Variants in CNTN6 observed in about 807,000 individuals in gnomAD.
CNTN6 encodes contactin 6, also known as contactin-6.
A neutral mutation model predicts 122.8 loss-of-function variants in CNTN6; 137 were observed. The observed-to-expected ratio is 1.12, with a 90% CI of 0.97 to 1.29. CNTN6 has a LOEUF of 1.29. Among genes scored for constraint, CNTN6 ranks in the 50% most tolerant of loss-of-function variants. The pLI, the probability that CNTN6 is intolerant of heterozygous loss-of-function variation, is 0.00. For missense variants in CNTN6, 1,634 were observed against 1,223.4 expected (o/e 1.34, Z -5.01); for synonymous variants, 570 against 426.0 (o/e 1.34, Z -4.16).
At chr3:1,234,636 G>C (rs544674538) in intron 4 of CNTN6, among the ~76,000 whole-genome samples, 1 of 152,116 alleles carries the variant, frequency 6.6e-6, no homozygotes, top group Non-Finnish European at 1.5e-5. Context: ...TATTAAGTGG[G>C]TAATGCATAC....
chr3:1,223,175 C>T (rs766018127), intron 3 of CNTN6, among the ~76,000 whole-genome samples: 37 of 152,210 alleles, frequency 2.4e-4, no homozygotes, highest in South Asian at 4.1e-4. Context: ...CAGATTCTAA[C>T]GTTATTTGAG....
chr3:1,368,679 TAATC>T (rs1336379946), intron 12 of CNTN6, among the ~76,000 whole-genome samples: 1 of 152,140 alleles, frequency 6.6e-6, no homozygotes, highest in East Asian at 1.9e-4. Flanking sequence ...GAAAATTATA[TAATC>T]AATCAAGATA....
chr3:1,290,546 C>T (rs1695154649), intron 5 of CNTN6, among the ~76,000 whole-genome samples: 2 of 152,232 alleles, frequency 1.3e-5, no homozygotes, highest in East Asian at 1.9e-4. Flanking sequence ...ATCCGGACTC[C>T]ATGAGAGGGT....
intron 10 of CNTN6, among the ~76,000 whole-genome samples, chr3:1,328,621 T>C (rs577191217): frequency 6.6e-6 from 1 of 151,978 alleles, no homozygotes; most frequent in East Asian, 1.9e-4. Context: ...GAGGAGTTGC[T>C]ATCGTTGCAC....
chr3:1,226,288 TA>T (rs2094282591), intron 3 of CNTN6, among the ~76,000 whole-genome samples: 1 of 151,922 alleles, frequency 6.6e-6, no homozygotes, highest in Non-Finnish European at 1.5e-5. Context: ...AAAGCTGGCA[TA>T]AACCCTAAAA....
chr3:1,278,041 C>G (rs1335654200), intron 4 of CNTN6, among the ~76,000 whole-genome samples: 1 of 152,172 alleles, frequency 6.6e-6, no homozygotes, highest in Non-Finnish European at 1.5e-5. Flanking sequence ...AACCATTAAT[C>G]TAAGATGTTG....
At chr3:1,380,239 A>C (rs1247774383) in intron 17 of CNTN6, among the ~76,000 whole-genome samples, 1 of 152,186 alleles carries the variant, frequency 6.6e-6, no homozygotes, top group Non-Finnish European at 1.5e-5. Flanking sequence ...ATAAGTGACA[A>C]CTTTAATGAT....
intron 2 of CNTN6, among the ~76,000 whole-genome samples, chr3:1,201,005 C>A (rs183348031): frequency 9.2e-4 from 139 of 151,076 alleles, no homozygotes; most frequent in Admixed American, 8.1e-3. Context: ...AGGCTCACTG[C>A]AACCTCTGCC....
rs559144927 is a variant in CNTN6, at chr3:1,183,606, T to A, written c.55+35543T>A. ...ATTCCTACATTTTTATTTAAATGGCTTTTACATCTTATAAAAAGAGTACTT... is the reference window on the plus strand; with the variant it reads ...ATTCCTACATTTTTATTTAAATGGCATTTACATCTTATAAAAAGAGTACTT... On this transcript the variant is annotated intron_variant, in intron 2 of 22. Transcript: ENST00000446702. Among the ~76,000 whole-genome samples the A allele has an allele frequency of 1.8e-4, 28 of 152,290 alleles. No individual in the cohort carries two copies. The East Asian group carries it at 5.4e-3, about 29-fold the overall frequency.
chr3:1,202,983 A>C (rs866157267), intron 2 of CNTN6, among the ~76,000 whole-genome samples: 15 of 152,206 alleles, frequency 9.9e-5, no homozygotes, highest in African/African-American at 3.6e-4. Context: ...TGATGTAGCA[A>C]GAGAGTAATA....
intron 12 of CNTN6, among the ~76,000 whole-genome samples, chr3:1,363,095 T>G (rs1707715268): frequency 6.6e-6 from 1 of 151,718 alleles, no homozygotes; most frequent in South Asian, 2.1e-4. Flanking sequence ...CCCCATCACT[T>G]AAAAAAATAA....
intron 2 of CNTN6, among the ~76,000 whole-genome samples, chr3:1,162,615 A>G (rs557300862): frequency 1.3e-5 from 2 of 152,322 alleles, no homozygotes; most frequent in African/African-American, 2.4e-5. Context: ...CCATACATTT[A>G]TTTTACTTAC....
chr3:1,254,708 A>G (rs1286272601), intron 4 of CNTN6, among the ~76,000 whole-genome samples: 1 of 152,164 alleles, frequency 6.6e-6, no homozygotes, highest in Non-Finnish European at 1.5e-5. Context: ...TAAAATGAAA[A>G]AGTTATTTAT....
intron 2 of CNTN6, among the ~76,000 whole-genome samples, chr3:1,196,958 T>C (rs2093786909): frequency 6.6e-6 from 1 of 152,162 alleles, no homozygotes; most frequent in South Asian, 2.1e-4. Flanking sequence ...AAGAAACCTG[T>C]AGAACACTGA....
chr3:1,289,952 G>C (rs939446530), intron 5 of CNTN6, among the ~76,000 whole-genome samples: 1 of 152,148 alleles, frequency 6.6e-6, no homozygotes, highest in African/African-American at 2.4e-5. Context: ...GGGATTGCAG[G>C]CGTGAGCCAA....
chr3:1,385,454 G>A (rs375467581), intron 19 of CNTN6, among the ~76,000 whole-genome samples, 157 bp from the exon 20 acceptor site: 2 of 152,004 alleles, frequency 1.3e-5, no homozygotes, highest in African/African-American at 4.8e-5. Context: ...TAACAATTTT[G>A]TTGTTGTATA....
intron 12 of CNTN6, among the ~76,000 whole-genome samples, chr3:1,367,271 T>G (rs1708362991): frequency 6.6e-6 from 1 of 152,020 alleles, no homozygotes; most frequent in Non-Finnish European, 1.5e-5. Context: ...CATCTGAAAC[T>G]TAGTACGCTG....
intron 20 of CNTN6, among the ~76,000 whole-genome samples, chr3:1,396,858 T>G (rs1039651762): frequency 2.0e-5 from 3 of 152,204 alleles, no homozygotes; most frequent in South Asian, 2.1e-4. Context: ...TGACTCTCCA[T>G]GTCCTTGAGA....
intron 17 of CNTN6, among the ~76,000 whole-genome samples, chr3:1,379,551 A>G (rs1322215789): frequency 2.6e-5 from 4 of 152,068 alleles, no homozygotes; most frequent in Non-Finnish European, 5.9e-5. Context: ...AAACTTGCAC[A>G]TGTACCCCCG....
Sources: allele counts gnomAD v4.1 joint callset (sites outside exome capture counted in the v4.1 genomes callset), GRCh38; gene constraint gnomAD v4.1.1; transcripts MANE v1.5; gene names NCBI Gene and HGNC (gene_info 2026-07-23, HGNC 2026-07-21).